The following OFD1 variants were observed in gnomAD, a reference collection of about 807,000 sequenced individuals.
OFD1 encodes the protein OFD1 centriole and centriolar satellite protein.
OFD1 carries 12 observed loss-of-function variants against 81.4 expected under a neutral mutation model. The observed-to-expected ratio is 0.15, with a 90% CI of 0.09 to 0.24. OFD1 has a LOEUF of 0.24. OFD1 is among the 10% of genes least tolerant of loss of function. The pLI, the probability that OFD1 is intolerant of heterozygous loss-of-function variation, is 1.00. For missense variants in OFD1, 685 were observed against 733.9 expected, an observed-to-expected ratio of 0.93 and a Z score of 0.77; for synonymous variants, 256 against 263.7, an observed-to-expected ratio of 0.97 and a Z score of 0.28.
chrX:13,770,159 T>TA (rs1424084300), downstream of OFD1, among the ~76,000 whole-genome samples: 6 of 112,349 alleles, frequency 5.3e-5, no homozygotes, highest in Admixed American at 2.8e-4. Context: ...GCAGGATCAC[T>TA]ATGGGTAATT....
chrX:13,745,102 G>A (rs975780901), intron 6 of OFD1, among the ~76,000 whole-genome samples: 2 of 112,088 alleles, frequency 1.8e-5, no homozygotes, highest in Non-Finnish European at 3.8e-5. Flanking sequence ...AAAACGATAT[G>A]CTTAATGGAT....
chrX:13,751,692 G>A (rs749225627), intron 10 of OFD1, among the ~76,000 whole-genome samples: 33 of 111,436 alleles, frequency 3.0e-4, no homozygotes, highest in Admixed American at 1.2e-3. Flanking sequence ...AAATTAGCTG[G>A]GTGTGGTGGT....
Position 13,734,803 on chromosome X carries a change from C to T in OFD1, c.-269C>T, listed in dbSNP as rs887218299. The T allele has an allele frequency of 1.6e-5, 17 of 1,073,492 alleles. No homozygotes were observed. The highest frequency in any genetic ancestry group is 1.2e-4 in the South Asian group (5 of 40,319). 88.5% of individuals were successfully genotyped at this position (1,073,492 alleles called of 1,213,427 possible). A position where few individuals can be genotyped will look rare whatever the true frequency, so the allele number is the denominator to read the frequency against. ...CTTCAGTCCCTAGTGTCTGGGTCCCCGCCCTCCAGCCGCCTTTGAGTCGTG... is the reference window on the plus strand; with the variant it reads ...CTTCAGTCCCTAGTGTCTGGGTCCCTGCCCTCCAGCCGCCTTTGAGTCGTG... On this transcript the variant is annotated 5_prime_UTR_variant, in exon 1 of 23. Transcript: ENST00000340096.
chrX:13,740,196 C>T (rs1177149872), intron 5 of OFD1: 22 of 952,787 alleles, frequency 2.3e-5, no homozygotes, highest in Non-Finnish European at 3.0e-5. Flanking sequence ...TAGACCATCT[C>T]TACTGAAGTT....
At chrX:13,762,274 G>T in intron 17 of OFD1, 70 bp from the exon 18 acceptor site, 1 of 687,480 alleles carries the variant, frequency 1.5e-6, no homozygotes, top group Non-Finnish European at 2.4e-6. Flanking sequence ...GTCACAAAAG[G>T]CTTTTTGTCA....
At position 13,749,536 on chromosome X, in the gene OFD1, A is replaced by G. The variant is rs1400616203; in HGVS notation, c.935+3A>G. ...CAAAGAGTTGAAGCTTTTGAATTGT[A>G]AGTAATGCATGTTCATTTTGGATAT... is the stretch of plus-strand genomic sequence containing the variant. On this transcript the variant is annotated splice_donor_region_variant and intron_variant, in intron 9 of 22. Coordinates refer to ENST00000340096, the MANE Select transcript of OFD1 (RefSeq NM_003611.3). 1.9e-6 allele frequency: 2 copies of G among 1,050,431 alleles called. No homozygotes were observed. Among genetic ancestry groups the G allele is most frequent in the Non-Finnish European group, 2.7e-6 (2 of 749,312 alleles). 86.6% of individuals were successfully genotyped at this position (1,050,431 alleles called of 1,213,427 possible). A position where few individuals can be genotyped will look rare whatever the true frequency, so the allele number is the denominator to read the frequency against.
intron 22 of OFD1, 58 bp downstream of exon 22, chrX:13,768,843 C>T (rs1250460900): frequency 1.0e-6 from 1 of 988,999 alleles, no homozygotes; most frequent in Non-Finnish European, 1.4e-6. Flanking sequence ...ATTTTGTCAG[C>T]CAAGAGAAAC....
chrX:13,762,539 T>C (rs1358834966), intron 18 of OFD1, 95 bp downstream of exon 18: 1 of 545,693 alleles, frequency 1.8e-6, no homozygotes, highest in Non-Finnish European at 3.1e-6. Context: ...AGAAAAGCAG[T>C]TACAAATTGG....
chrX:13,770,731 C>T (rs55966128), downstream of OFD1, among the ~76,000 whole-genome samples: 34 of 112,299 alleles, frequency 3.0e-4, no homozygotes, highest in African/African-American at 1.1e-3. Flanking sequence ...TACAGACGTG[C>T]TAGTGGCACT....
intron 13 of OFD1, among the ~76,000 whole-genome samples, chrX:13,757,362 G>A (rs2047748774): frequency 8.9e-6 from 1 of 111,967 alleles, no homozygotes; most frequent in Non-Finnish European, 1.9e-5. Flanking sequence ...CTCCTTCTGT[G>A]CACAGTAGAG....
the OFD1 span, chrX:13,716,568 G>A: frequency 2.8e-4 from 334 of 1,210,042 alleles, no homozygotes; most frequent in Middle Eastern, 3.2e-3. Flanking sequence ...CAAACCACTC[G>A]TTGAACTTGT....
chrX:13,736,363 A>G (rs1457026479), intron 2 of OFD1, 115 bp from the exon 3 acceptor site: 2 of 1,093,079 alleles, frequency 1.8e-6, no homozygotes, highest in Admixed American at 2.4e-5. Context: ...TTATGGAAAT[A>G]GAAGGAAGGT....
chrX:13,714,824 T>A, the OFD1 span, among the ~76,000 whole-genome samples: 1 of 112,065 alleles, frequency 8.9e-6, no homozygotes, highest in African/African-American at 3.2e-5. Flanking sequence ...TTAATCTCTA[T>A]GGCCCTTTGG....
At chrX:13,729,763 C>T (rs2046633534), upstream of OFD1, among the ~76,000 whole-genome samples, 1 of 111,056 alleles carries the variant, frequency 9.0e-6, no homozygotes, top group Non-Finnish European at 1.9e-5. Context: ...ACAAACTTAG[C>T]CGGGCGTGGT....
At chrX:13,744,170 C>G (rs1425739208) in intron 5 of OFD1, among the ~76,000 whole-genome samples, 1 of 110,820 alleles carries the variant, frequency 9.0e-6, no homozygotes, top group Admixed American at 9.6e-5. Context: ...GTGTGCACCT[C>G]TAGTCCCAGC....
intron 13 of OFD1, among the ~76,000 whole-genome samples, chrX:13,757,116 C>T (rs1230751514): frequency 1.8e-5 from 2 of 112,317 alleles, no homozygotes; most frequent in Non-Finnish European, 3.8e-5. Context: ...ATTTCTCCCT[C>T]CTCTGATTCC....
the OFD1 span, among the ~76,000 whole-genome samples, chrX:13,717,467 C>T: frequency 4.5e-5 from 5 of 111,757 alleles, no homozygotes; most frequent in African/African-American, 1.3e-4. Context: ...TTTGGCCAGG[C>T]GCGGTGGCTT....
At chrX:13,753,518 T>C in intron 11 of OFD1, 77 bp downstream of exon 11, 1 of 980,192 alleles carries the variant, frequency 1.0e-6, no homozygotes, top group Non-Finnish European at 1.5e-6. Flanking sequence ...GGGTCTTTTC[T>C]ATATTCTAAA....
intron 5 of OFD1, chrX:13,739,826 A>C (rs1337384187): frequency 1.3e-6 from 1 of 750,950 alleles, no homozygotes; most frequent in Non-Finnish European, 1.6e-6. Flanking sequence ...CATAGAGTCC[A>C]TAACTACTGT....
Sources: allele counts gnomAD v4.1 joint callset (sites outside exome capture counted in the v4.1 genomes callset), GRCh38; gene constraint gnomAD v4.1.1; transcripts MANE v1.5; gene names NCBI Gene and HGNC (gene_info 2026-07-23, HGNC 2026-07-21).